GRM8: variants seen among roughly 807,000 people sequenced by gnomAD.
GRM8 encodes glutamate metabotropic receptor 8.
GRM8 carries 47 observed loss-of-function variants against 87.2 expected under a neutral mutation model. The ratio of observed to expected loss-of-function variants is 0.54; its 90% CI spans 0.43 to 0.69. The LOEUF (loss-of-function observed/expected upper bound fraction) is 0.69. Ranked by LOEUF, GRM8 falls within the 30% of genes least tolerant of loss-of-function variation. The probability of loss-of-function intolerance (pLI) is 0.00; values close to 1 mark genes in which losing one functional copy is unlikely to be tolerated. For missense variants in GRM8, 1,019 were observed against 1,139.2 expected (o/e 0.89, Z 1.52); for synonymous variants, 396 against 404.5 (o/e 0.98, Z 0.25).
chr7:127,078,335 C>G (rs1451041623), intron 3 of GRM8, among the ~76,000 whole-genome samples: 1 of 152,190 alleles, frequency 6.6e-6, no homozygotes, highest in Non-Finnish European at 1.5e-5. Context: ...ACCATAGCCG[C>G]TTAGCAGCAT....
At chr7:126,468,207 G>A (rs1176932137) in intron 9 of GRM8, among the ~76,000 whole-genome samples, 1 of 151,940 alleles carries the variant, frequency 6.6e-6, no homozygotes, top group Non-Finnish European at 1.5e-5. Context: ...GACAACTGGT[G>A]CAAAAAGAAT....
intron 7 of GRM8, among the ~76,000 whole-genome samples, chr7:126,642,026 A>C (rs548874415): frequency 6.6e-6 from 1 of 152,338 alleles, no homozygotes; most frequent in African/African-American, 2.4e-5. Flanking sequence ...GACTGTATTC[A>C]GCCATACAAA....
intron 3 of GRM8, among the ~76,000 whole-genome samples, chr7:127,004,765 T>C (rs1814095441): frequency 6.6e-6 from 1 of 151,680 alleles, no homozygotes; most frequent in East Asian, 1.9e-4. Context: ...TTATGTCTAG[T>C]AGGTGAAATT....
At chr7:126,520,742 G>A (rs1376148717) in intron 9 of GRM8, among the ~76,000 whole-genome samples, 1 of 151,922 alleles carries the variant, frequency 6.6e-6, no homozygotes, top group African/African-American at 2.4e-5. Flanking sequence ...TAAGAGAGGT[G>A]GAAACAGGTA....
chr7:127,101,787 G>T (rs191557036), intron 3 of GRM8, among the ~76,000 whole-genome samples: 1 of 152,192 alleles, frequency 6.6e-6, no homozygotes, highest in African/African-American at 2.4e-5. Context: ...TTGCTATAAA[G>T]ATACCTGAAA....
At position 126,812,459 on chromosome 7, in the gene GRM8, T is replaced by C. The variant is rs575405120; in HGVS notation, c.1157-42394A>G. ...AGTATAAGTAATTGTAACACAATGG[T>C]AAGTACATAGGAGAGGTACAGTAAA... On this transcript the variant is annotated intron_variant, in intron 6 of 10. Transcript: ENST00000339582. Among the ~76,000 whole-genome samples the C allele has an allele frequency of 1.0e-3, 156 of 152,134 alleles. 1 individual carries two copies. Among genetic ancestry groups the C allele is most frequent in the Admixed American group, 3.5e-3 (54 of 15,266 alleles).
In GRM8 at chr7:126,497,651, C is replaced by G. The variant is rs115709118; in HGVS notation, c.2430+35301G>C. Among the ~76,000 whole-genome samples, 611 of 152,038 alleles carry G rather than the reference C, an allele frequency of 4.0e-3. 4 individuals are homozygous for G. Among genetic ancestry groups the G allele is most frequent in the African/African-American group, 0.014 (593 of 41,502 alleles). On this transcript the variant is annotated intron_variant, in intron 9 of 10. Transcript: ENST00000339582. ...ATTGGTTTAACCTCTTAAAATTATT[C>G]TAGATGGAATGGTTTTTATCCCCTA... is the stretch of plus-strand genomic sequence containing the variant.
At chr7:126,547,705 T>C (rs902019082) in intron 8 of GRM8, among the ~76,000 whole-genome samples, 5 of 151,228 alleles carry the variant, frequency 3.3e-5, no homozygotes, top group African/African-American at 1.2e-4. Flanking sequence ...AAATAGGGAG[T>C]TGGAATCATT....
chr7:126,536,517 T>G (rs1007456728), intron 8 of GRM8, among the ~76,000 whole-genome samples: 11 of 152,330 alleles, frequency 7.2e-5, no homozygotes, highest in South Asian at 2.1e-4. Context: ...ACAAAGGAAA[T>G]GTAATCTATT....
intron 10 of GRM8, 136 bp downstream of exon 10, chr7:126,445,990 T>G (rs2150463737): frequency 1.0e-6 from 1 of 972,418 alleles, no homozygotes; most frequent in South Asian, 1.4e-5. Context: ...AATGTGATGG[T>G]GTCACGGTAT....
At chr7:126,643,904 A>G (rs964413270) in intron 7 of GRM8, among the ~76,000 whole-genome samples, 18 of 152,396 alleles carry the variant, frequency 1.2e-4, no homozygotes, top group African/African-American at 4.1e-4. Context: ...AAGGTCGTGC[A>G]GAATGCACAG....
intron 3 of GRM8, among the ~76,000 whole-genome samples, chr7:126,908,490 C>G (rs1198165286): frequency 2.0e-5 from 3 of 152,108 alleles, no homozygotes; most frequent in African/African-American, 4.8e-5. Flanking sequence ...ATTAAATTGC[C>G]ATGATTACTT....
intron 6 of GRM8, among the ~76,000 whole-genome samples, chr7:126,866,580 ATTTTTTTT>A (rs59013947): frequency 1.5e-5 from 1 of 68,026 alleles, no homozygotes; most frequent in South Asian, 5.6e-4. Flanking sequence ...CTTTGACTCA[ATTTTTTTT>A]TTTTTTTTTT....
At chr7:126,917,407 G>A (rs965048447) in intron 3 of GRM8, among the ~76,000 whole-genome samples, 102 of 150,028 alleles carry the variant, frequency 6.8e-4, no homozygotes, top group African/African-American at 1.8e-3. Context: ...ACATGGACAC[G>A]CACACACACA....
intron 7 of GRM8, among the ~76,000 whole-genome samples, chr7:126,667,356 G>A (rs1191599371): frequency 6.6e-6 from 1 of 152,160 alleles, no homozygotes; most frequent in East Asian, 1.9e-4. Flanking sequence ...CTTAATTGGG[G>A]TGTCACTGTA....
chr7:126,619,430 G>A (rs957445086), intron 7 of GRM8, among the ~76,000 whole-genome samples: 4 of 151,736 alleles, frequency 2.6e-5, no homozygotes, highest in African/African-American at 9.7e-5. Context: ...AAGTTAATGG[G>A]TACAGCACAC....
intron 6 of GRM8, among the ~76,000 whole-genome samples, chr7:126,786,182 A>C (rs1360327523): frequency 2.6e-5 from 4 of 152,166 alleles, no homozygotes; most frequent in African/African-American, 7.2e-5. Context: ...TCAAATAAAA[A>C]CTACAATTTC....
At chr7:126,883,433 T>C (rs1234371325) in intron 6 of GRM8, among the ~76,000 whole-genome samples, 7 of 152,202 alleles carry the variant, frequency 4.6e-5, no homozygotes, top group Non-Finnish European at 8.8e-5. Flanking sequence ...AGAAGACATA[T>C]GGAATTTCTC....
chr7:126,871,611 A>C (rs1489133166), intron 6 of GRM8, among the ~76,000 whole-genome samples: 1 of 152,174 alleles, frequency 6.6e-6, no homozygotes, highest in Non-Finnish European at 1.5e-5. Context: ...CTTATCCTGA[A>C]TGTTCTGTGC....
Sources: gnomAD v4.1 joint callset for allele counts (sites outside exome capture counted in the v4.1 genomes callset) on GRCh38, gnomAD v4.1.1 for gene constraint, MANE v1.5 for transcripts, NCBI Gene and HGNC (gene_info 2026-07-23, HGNC 2026-07-21) for gene names.